Variants in ARHGEF40 observed in about 807,000 individuals in gnomAD.
The protein encoded by ARHGEF40 is Rho guanine nucleotide exchange factor (GEF) 40.
A neutral mutation model predicts 165.9 loss-of-function variants in ARHGEF40; 98 were observed. That is an observed-to-expected ratio of 0.59 (90% CI 0.50 to 0.70). The LOEUF is 0.70. Among genes scored for constraint, ARHGEF40 ranks in the 30% least tolerant of loss-of-function variants. The pLI, the probability that ARHGEF40 is intolerant of heterozygous loss-of-function variation, is 0.00. For synonymous variants in ARHGEF40, 792 were observed against 814.3 expected, an observed-to-expected ratio of 0.97 and a Z score of 0.47; for missense variants, 1,815 against 1,968.0, an observed-to-expected ratio of 0.92 and a Z score of 1.47.
Position 21,082,130 on chromosome 14 carries a change from A to G in ARHGEF40, c.3251+11A>G. 4 of 1,563,004 alleles carry G rather than the reference A, an allele frequency of 2.6e-6. No individual in the cohort carries two copies. The highest frequency in any genetic ancestry group is 3.5e-6 in the Non-Finnish European group (4 of 1,152,966). On this transcript the variant is annotated intron_variant, in intron 14 of 23. Coordinates refer to ENST00000298694, the MANE Select transcript of ARHGEF40 (RefSeq NM_018071.5). ...CAAGCGAAGCATCAGGTGAGATCCC[A>G]GCCCAACTGGTGCTAAGAGGCGGAG...
At chr14:21,084,160 C>G (rs1412360304) in intron 17 of ARHGEF40, 110 bp downstream of exon 17, 1 of 1,149,238 alleles carries the variant, frequency 8.7e-7, no homozygotes, top group Non-Finnish European at 1.2e-6. Flanking sequence ...GCTCCAGGCT[C>G]TAATTTCTAA....
At chr14:21,088,980 C>T (rs748708124) in intron 23 of ARHGEF40, 34 bp from the exon 24 acceptor site, 3 of 1,149,040 alleles carry the variant, frequency 2.6e-6, no homozygotes, top group Non-Finnish European at 3.8e-6. Context: ...CTTCCCTCTC[C>T]CAACTCATCT....
At chr14:21,078,560 C>A in intron 10 of ARHGEF40, 72 bp downstream of exon 10, 1 of 1,427,922 alleles carries the variant, frequency 7.0e-7, no homozygotes, top group Non-Finnish European at 9.5e-7. Context: ...GCCAACAAAC[C>A]TTAGCTGCCA....
chr14:21,075,165 C>T lies in ARHGEF40; in HGVS notation c.1435C>T (p.Leu479=). The part of the protein sequence containing the change: ...AGERELEGPG[L]LCMAGHTGPE... Reference sequence around the variant, plus strand: ...AGAGAGAGAGCTGGAGGGGCCAGGCCTGCTGTGTATGGCAGGTGAGATGAC... The same window carrying T: ...AGAGAGAGAGCTGGAGGGGCCAGGCTTGCTGTGTATGGCAGGTGAGATGAC... The change falls in exon 3 of 24, where the codon CTG becomes TTG. Residue 479 remains leucine (L), a synonymous_variant. Coordinates refer to ENST00000298694, the MANE Select transcript of ARHGEF40 (RefSeq NM_018071.5). This position sits in a 1 kb window ranked among gnomAD's most constrained non-coding sequence, Gnocchi z 4.5. 6.2e-7 allele frequency: 1 copy of T among 1,602,568 alleles called. No individual in the cohort carries two copies. The highest frequency in any genetic ancestry group is 8.5e-7 in the Non-Finnish European group (1 of 1,175,188).
At chr14:21,067,276 A>C (rs1036756091), upstream of ARHGEF40, among the ~76,000 whole-genome samples, 1 of 79,330 alleles carries the variant, frequency 1.3e-5, no homozygotes, top group Non-Finnish European at 3.1e-5. Context: ...GTCTAGAAAA[A>C]GGTAGGTTTT....
intron 21 of ARHGEF40, 83 bp downstream of exon 21, chr14:21,087,546 T>C: frequency 6.5e-7 from 1 of 1,549,518 alleles, no homozygotes; most frequent in Admixed American, 1.9e-5. Flanking sequence ...GCAATTCCTT[T>C]TTCTAGCCAA....
chr14:21,078,548 C>G, intron 10 of ARHGEF40, 60 bp downstream of exon 10: 4 of 1,486,104 alleles, frequency 2.7e-6, no homozygotes, highest in Non-Finnish European at 3.6e-6. Context: ...CAGCTGAAGG[C>G]TGCCAACAAA....
At chr14:21,061,365 TG>T in the ARHGEF40 span, among the ~76,000 whole-genome samples, 1 of 152,018 alleles carries the variant, frequency 6.6e-6, no homozygotes, top group South Asian at 2.1e-4. Flanking sequence ...TCCAAACAAG[TG>T]GGGGTAGCAA....
In ARHGEF40 at chr14:21,070,525, T is replaced by G. The variant is rs1886657999; in HGVS notation, c.3+126T>G. ...CTGTTCGGCCCCTCTGGGACTCTCCTCCCTCCCATCCCCCCTTCTTCGATT... is the reference window on the plus strand; with the variant it reads ...CTGTTCGGCCCCTCTGGGACTCTCCGCCCTCCCATCCCCCCTTCTTCGATT... On this transcript the variant is annotated intron_variant, in intron 1 of 23. Coordinates refer to ENST00000298694, the MANE Select transcript of ARHGEF40 (RefSeq NM_018071.5). This position sits in a 1 kb window ranked among gnomAD's most constrained non-coding sequence, Gnocchi z 4.7. The G allele has an allele frequency of 8.8e-7, 1 of 1,130,304 alleles. No homozygotes were observed. The highest frequency in any genetic ancestry group is 1.6e-5 in the African/African-American group (1 of 63,568). The allele number at this position is 1,130,304 out of a possible 1,614,324, so 70.0% of individuals were successfully genotyped here.
chr14:21,077,101 A>C (rs1486022429), intron 8 of ARHGEF40, among the ~76,000 whole-genome samples: 1 of 152,038 alleles, frequency 6.6e-6, no homozygotes, highest in African/African-American at 2.4e-5. Context: ...GAGGAGTATG[A>C]TAAATTATTA....
At chr14:21,079,856 TGGA>T (rs1887729707) in intron 11 of ARHGEF40, among the ~76,000 whole-genome samples, 1 of 152,166 alleles carries the variant, frequency 6.6e-6, no homozygotes, top group African/African-American at 2.4e-5. Flanking sequence ...AAACAAGATT[TGGA>T]GTCTAACGTG....
At chr14:21,078,552 C>G (rs370963338) in intron 10 of ARHGEF40, 64 bp downstream of exon 10, 1 of 1,465,670 alleles carries the variant, frequency 6.8e-7, no homozygotes, top group East Asian at 2.3e-5. Context: ...TGAAGGCTGC[C>G]AACAAACCTT....
chr14:21,074,053 A>G lies in ARHGEF40; in HGVS notation c.323A>G (p.Gln108Arg), dbSNP rs755236148. ...QLLRPGDFYL[Q>R]VVPSAAQAPR... ...CTGCGCCCAGGAGACTTCTATCTGC[A>G]GGTGGTGCCCTCAGCTGCCCAAGCA... The change falls in exon 3 of 24, where the codon CAG becomes CGG. Residue 108 changes from glutamine (Q) to arginine (R), a missense_variant. By Grantham distance (43) the Gln-to-Arg change is conservative. Transcript: ENST00000298694. This position sits in a 1 kb window ranked among gnomAD's most constrained non-coding sequence, Gnocchi z 4.8. 1.9e-6 allele frequency: 3 copies of G among 1,614,108 alleles called. No individual in the cohort carries two copies. Among genetic ancestry groups the G allele is most frequent in the Non-Finnish European group, 2.5e-6 (3 of 1,180,026 alleles).
upstream of ARHGEF40, among the ~76,000 whole-genome samples, chr14:21,067,532 TAG>T (rs953570598): frequency 1.3e-5 from 2 of 152,160 alleles, no homozygotes; most frequent in Non-Finnish European, 2.9e-5. Context: ...CTGTGTAGCT[TAG>T]AGAGAGTTTA....
At position 21,074,045 on chromosome 14, in the gene ARHGEF40, C is replaced by G. The variant is rs751334651; in HGVS notation, c.315C>G (p.Phe105Leu). Residue 105 changes from phenylalanine to leucine, a missense_variant, in exon 3 of 24, where the codon TTC becomes TTG. Physicochemically the swap from Phe to Leu is conservative, Grantham distance 22 (BLOSUM62 0). Coordinates refer to ENST00000298694, the MANE Select transcript of ARHGEF40 (RefSeq NM_018071.5). The surrounding 1 kb of genome is among the most constrained non-coding windows in gnomAD (Gnocchi z 4.8). ...LPWQLLRPGD[F>L]YLQVVPSAAQ... Reference sequence around the variant, plus strand: ...GGCAACTGCTGCGCCCAGGAGACTTCTATCTGCAGGTGGTGCCCTCAGCTG... The same window carrying G: ...GGCAACTGCTGCGCCCAGGAGACTTGTATCTGCAGGTGGTGCCCTCAGCTG... 2 of 1,614,138 alleles carry G rather than the reference C, an allele frequency of 1.2e-6. No homozygotes were observed. The highest frequency in any genetic ancestry group is 1.7e-6 in the Non-Finnish European group (2 of 1,180,036).
chr14:21,076,489 A>T, intron 6 of ARHGEF40, 33 bp downstream of exon 6: 1 of 1,613,866 alleles, frequency 6.2e-7, no homozygotes, highest in Non-Finnish European at 8.5e-7. Context: ...GTTCCCCTGG[A>T]TCCTAACTCT....
rs769665953 is a variant in ARHGEF40 at position 21,074,558 on chromosome 14, C to T, written c.828C>T (p.Gly276=). The T allele has an allele frequency of 1.9e-5, 29 of 1,553,398 alleles. No individual in the cohort carries two copies. Among genetic ancestry groups the T allele is most frequent in the South Asian group, 1.8e-4 (15 of 83,454 alleles). The part of the protein sequence containing the change: ...SRVRTVPTRK[G]AGGKGRHRRH... Reference sequence around the variant, plus strand: ...TCCGGACGGTACCCACCCGCAAGGGCGCTGGAGGGAAGGGCCGCCACCGGA... The same window carrying T: ...TCCGGACGGTACCCACCCGCAAGGGTGCTGGAGGGAAGGGCCGCCACCGGA... Residue 276 remains glycine, a synonymous_variant, in exon 3 of 24, where the codon GGC becomes GGT. Transcript: ENST00000298694. The surrounding 1 kb of genome is among the most constrained non-coding windows in gnomAD (Gnocchi z 4.8).
At chr14:21,070,007 C>A (rs972967380), upstream of ARHGEF40, among the ~76,000 whole-genome samples, 4 of 152,072 alleles carry the variant, frequency 2.6e-5, no homozygotes, top group African/African-American at 9.7e-5. The surrounding 1 kb of genome is among the most constrained non-coding windows in gnomAD (Gnocchi z 4.7). Context: ...AAAAGAGGGG[C>A]ATCCTCGGCT....
At chr14:21,087,532 C>T (rs1178256991) in intron 21 of ARHGEF40, 69 bp downstream of exon 21, 1 of 1,564,052 alleles carries the variant, frequency 6.4e-7, no homozygotes, top group African/African-American at 1.4e-5. Context: ...CTGCTTGCTG[C>T]TGAGCAATTC....
Sources: allele counts gnomAD v4.1 joint callset (sites outside exome capture counted in the v4.1 genomes callset), GRCh38; gene constraint gnomAD v4.1.1; non-coding constraint Gnocchi (gnomAD v3.1); transcripts MANE v1.5; gene names NCBI Gene and HGNC (gene_info 2026-07-23, HGNC 2026-07-21).